MIAT: variants seen among roughly 807,000 people sequenced by gnomAD.
The protein encoded by MIAT is MI related novel mRNA.
chr22:26,650,081 T>G (rs1266330939), intron 2 of MIAT, among the ~76,000 whole-genome samples: 1 of 152,214 alleles, frequency 6.6e-6, no homozygotes, highest in African/African-American at 2.4e-5. Flanking sequence ...ATTCTTATGT[T>G]GAATTCTTAA....
exon 5 of MIAT, chr22:26,676,218 C>G: frequency 2.5e-6 from 1 of 396,286 alleles, no homozygotes; most frequent in Non-Finnish European, 4.4e-6. Context: ...GGACTGGTTC[C>G]ATTCCATCAA....
At chr22:26,675,637 A>G (rs1931234076) in exon 5 of MIAT, 2 of 398,678 alleles carry the variant, frequency 5.0e-6, no homozygotes, top group Non-Finnish European at 8.8e-6. Flanking sequence ...CAAGGTGAAA[A>G]TAAAGGCTCG....
chr22:26,656,731 G>A (rs1188464898), intron 2 of MIAT, among the ~76,000 whole-genome samples: 2 of 152,200 alleles, frequency 1.3e-5, no homozygotes, highest in African/African-American at 4.8e-5. Flanking sequence ...GTACTAAGAA[G>A]AGGGCAGTTA....
At position 26,646,654 on chromosome 22, in the gene MIAT, T is replaced by C. The variant is rs201546927; in HGVS notation, n.203T>C. 291 of 398,626 alleles carry C rather than the reference T, an allele frequency of 7.3e-4. 2 individuals are homozygous for C. In the East Asian group the frequency reaches 9.7e-3, roughly 13 times the overall value. The allele number at this position is 398,626 out of a possible 1,614,324, so 24.7% of individuals were successfully genotyped here. On this transcript the variant is annotated non_coding_transcript_exon_variant, in exon 1 of 6. Coordinates refer to ENST00000643270, the Ensembl canonical transcript of MIAT. ...TCCTTGTCTATAAAATGGGGAGAGA[T>C]TGTGTGTCCCCGGCATCACTGGACT... is the stretch of plus-strand genomic sequence containing the variant.
chr22:26,655,881 G>T (rs1930424953), intron 2 of MIAT, among the ~76,000 whole-genome samples: 1 of 152,134 alleles, frequency 6.6e-6, no homozygotes, highest in African/African-American at 2.4e-5. Context: ...ATAAGGTTTC[G>T]CTTTGTTGCC....
intron 2 of MIAT, among the ~76,000 whole-genome samples, chr22:26,652,199 G>GGTC (rs1930348344): frequency 6.6e-6 from 1 of 151,892 alleles, no homozygotes. Context: ...TGGAGCCGGG[G>GGTC]GTCGATCTCA....
At chr22:26,675,977 G>T (rs931040954) in exon 5 of MIAT, 6 of 398,548 alleles carry the variant, frequency 1.5e-5, no homozygotes, top group Admixed American at 4.4e-5. Context: ...ATTAGAGGAG[G>T]CTGAGCCCAA....
chr22:26,655,053 C>G (rs1442688376), intron 2 of MIAT, among the ~76,000 whole-genome samples: 1 of 152,198 alleles, frequency 6.6e-6, no homozygotes, highest in Non-Finnish European at 1.5e-5. Flanking sequence ...ACATTGGTCC[C>G]ACCCTGATAG....
At chr22:26,672,090 A>G (rs570023387), downstream of MIAT, 54 of 399,284 alleles carry the variant, frequency 1.4e-4, no homozygotes, top group Non-Finnish European at 2.2e-4. Context: ...CCCTTAACAA[A>G]CTAACGGACC....
exon 6 of MIAT, chr22:26,669,326 G>C (rs1218890095): frequency 2.5e-6 from 1 of 398,744 alleles, no homozygotes; most frequent in African/African-American, 2.1e-5. Flanking sequence ...TTTTCTGCCA[G>C]TTCTGGAGGC....
At chr22:26,672,720 A>C, downstream of MIAT, 1 of 399,114 alleles carries the variant, frequency 2.5e-6, no homozygotes, top group Non-Finnish European at 4.4e-6. Flanking sequence ...GGAAATTAGC[A>C]GAGGGGCGTG....
chr22:26,656,310 C>G (rs1342803045), intron 2 of MIAT, among the ~76,000 whole-genome samples: 1 of 150,568 alleles, frequency 6.6e-6, no homozygotes, highest in Non-Finnish European at 1.5e-5. Flanking sequence ...CCACCGTGCC[C>G]GGCCTCTTTT....
intron 2 of MIAT, among the ~76,000 whole-genome samples, chr22:26,661,941 TATATATATATATATATATATAC>T (rs147348304): frequency 0.27 from 23,289 of 84,940 alleles, 2,678 homozygotes; most frequent in African/African-American, 0.34. Context: ...TATATATATA[TATATATATATATATATATATAC>T]ACACACACAC....
chr22:26,663,216 A>G (rs115314331), intron 2 of MIAT: 6,633 of 397,060 alleles, frequency 0.017, 377 homozygotes, highest in African/African-American at 0.12. Context: ...AGTTTTGGGA[A>G]ACGCTGTGAT....
At chr22:26,661,961 T>C (rs372331849) in intron 2 of MIAT, among the ~76,000 whole-genome samples, 2,809 of 41,914 alleles carry the variant, frequency 0.067, 61 homozygotes, top group Middle Eastern at 0.09. Flanking sequence ...TATATATATA[T>C]ACACACACAC....
intron 2 of MIAT, among the ~76,000 whole-genome samples, chr22:26,658,545 A>G (rs540188247): frequency 6.6e-6 from 1 of 152,284 alleles, no homozygotes; most frequent in South Asian, 2.1e-4. Flanking sequence ...CACTCCCTGG[A>G]GAGGCTGGGG....
intron 2 of MIAT, among the ~76,000 whole-genome samples, chr22:26,648,709 C>T (rs796376753): frequency 5.9e-5 from 9 of 152,258 alleles, no homozygotes; most frequent in African/African-American, 2.2e-4. Flanking sequence ...GAATTATAGT[C>T]AAAGCAACAG....
At chr22:26,661,838 C>T (rs1262516416) in intron 2 of MIAT, among the ~76,000 whole-genome samples, 1 of 149,510 alleles carries the variant, frequency 6.7e-6, no homozygotes, top group African/African-American at 2.4e-5. Context: ...ATGCAGATGG[C>T]CATCGAGTTT....
downstream of MIAT, chr22:26,670,622 A>G (rs1009962220): frequency 5.1e-6 from 2 of 395,864 alleles, no homozygotes; most frequent in Non-Finnish European, 8.9e-6. Flanking sequence ...AAAAAAAAAA[A>G]AAAAGCAGGT....
Sources: gnomAD v4.1 joint callset for allele counts (sites outside exome capture counted in the v4.1 genomes callset) on GRCh38, gnomAD v4.1.1 for gene constraint, MANE v1.5 for transcripts, NCBI Gene and HGNC (gene_info 2026-07-23, HGNC 2026-07-21) for gene names.